The following TIAM1 variants were observed in gnomAD, a reference collection of about 807,000 sequenced individuals.
TIAM1 encodes TIAM Rac1 associated GEF 1.
In TIAM1, 65 loss-of-function variants were observed where a neutral mutation model predicts 163.5. The ratio of observed to expected loss-of-function variants is 0.40; its 90% CI spans 0.33 to 0.49. TIAM1 has a LOEUF of 0.49. Among genes scored for constraint, TIAM1 ranks in the 20% least tolerant of loss-of-function variants. The pLI is 0.77. For synonymous variants in TIAM1, 833 were observed against 810.1 expected, an observed-to-expected ratio of 1.03 and a Z score of -0.48; for missense variants, 1,789 against 2,044.7, an observed-to-expected ratio of 0.87 and a Z score of 2.41.
intron 2 of TIAM1, among the ~76,000 whole-genome samples, chr21:31,302,702 T>C (rs750215504): frequency 6.6e-6 from 1 of 152,244 alleles, no homozygotes; most frequent in Non-Finnish European, 1.5e-5. Flanking sequence ...GAGACTACAC[T>C]GCTTGCACTG....
chr21:31,143,542 T>A (rs1280397546), intron 20 of TIAM1, among the ~76,000 whole-genome samples: 1 of 151,684 alleles, frequency 6.6e-6, no homozygotes, highest in African/African-American at 2.4e-5. Flanking sequence ...ATATTTTTTA[T>A]TAGAAAGCTT....
At position 31,375,098 on chromosome 21, in the gene TIAM1, A is replaced by G. The variant is rs865947098; in HGVS notation, c.-368-35676T>C. ...GTATGTTTTTTACACACAGCAGAGAAATATACCCACTTTTGAACTCTTAAT... is the reference window on the plus strand; with the variant it reads ...GTATGTTTTTTACACACAGCAGAGAGATATACCCACTTTTGAACTCTTAAT... On this transcript the variant is annotated intron_variant, in intron 2 of 28. Transcript: ENST00000286827. Among the ~76,000 whole-genome samples the G allele has an allele frequency of 3.3e-5, 5 of 152,354 alleles. No homozygotes were observed. In the Middle Eastern group the frequency reaches 0.01, roughly 311 times the overall value.
At chr21:31,524,995 G>T (rs2047729550) in intron 1 of TIAM1, among the ~76,000 whole-genome samples, 1 of 152,068 alleles carries the variant, frequency 6.6e-6, no homozygotes, top group Admixed American at 6.6e-5. Flanking sequence ...GGAGGCCTCA[G>T]GAAGCTTCCA....
In TIAM1 at chr21:31,342,307, T is replaced by A. The variant is rs2076043537; in HGVS notation, c.-369+1831A>T. On this transcript the variant is annotated intron_variant, in intron 1 of 27. Coordinates refer to ENST00000541036, the MANE Select transcript of TIAM1 (RefSeq NM_001353694.2). ...AAAGAAGAAATAAGTGAATAAAATT[T>A]AAAAATATAACCAACCAGAGACAAA... is the stretch of plus-strand genomic sequence containing the variant. Among the ~76,000 whole-genome samples, 3 of 151,840 alleles carry A rather than the reference T, an allele frequency of 2.0e-5. No homozygotes were observed. The South Asian group carries it at 6.2e-4, about 32-fold the overall frequency.
chr21:31,530,237 G>A (rs1038844455), intron 1 of TIAM1, among the ~76,000 whole-genome samples: 12 of 152,140 alleles, frequency 7.9e-5, no homozygotes, highest in Non-Finnish European at 1.8e-4. Context: ...AGCTATCATC[G>A]ATCTACCTGA....
At chr21:31,423,310 G>C (rs1037879655) in intron 2 of TIAM1, among the ~76,000 whole-genome samples, 21 of 151,946 alleles carry the variant, frequency 1.4e-4, no homozygotes, top group Admixed American at 2.6e-4. Context: ...ATGTTAGCCA[G>C]GATAGTCTCG....
At chr21:31,263,112 C>G (rs555538112) in intron 4 of TIAM1, among the ~76,000 whole-genome samples, 1 of 152,228 alleles carries the variant, frequency 6.6e-6, no homozygotes, top group South Asian at 2.1e-4. Flanking sequence ...GTGCATAATT[C>G]CGGGGTTTGT....
intron 16 of TIAM1, among the ~76,000 whole-genome samples, chr21:31,157,280 G>A (rs2083667913): frequency 6.6e-6 from 1 of 152,222 alleles, no homozygotes; most frequent in African/African-American, 2.4e-5. Context: ...ACTGGTGAGT[G>A]ACGGTGGTCA....
At chr21:31,448,201 C>T (rs567834763) in intron 2 of TIAM1, among the ~76,000 whole-genome samples, 2 of 152,274 alleles carry the variant, frequency 1.3e-5, no homozygotes, top group African/African-American at 4.8e-5. Context: ...CAAAATTAAC[C>T]ATCACAGCAG....
chr21:31,382,966 G>A (rs1480274666), intron 2 of TIAM1, among the ~76,000 whole-genome samples: 5 of 152,292 alleles, frequency 3.3e-5, no homozygotes, highest in African/African-American at 7.2e-5. Flanking sequence ...TAGGCCAGGC[G>A]TGGTGGCTCA....
chr21:31,327,491 T>A (rs1351080136), intron 2 of TIAM1, among the ~76,000 whole-genome samples: 1 of 150,802 alleles, frequency 6.6e-6, no homozygotes, highest in Admixed American at 6.6e-5. Flanking sequence ...ATAGAAAAAA[T>A]TAGCCTGGTG....
At chr21:31,256,771 G>C (rs2072134708) in intron 4 of TIAM1, among the ~76,000 whole-genome samples, 1 of 152,120 alleles carries the variant, frequency 6.6e-6, no homozygotes, top group East Asian at 1.9e-4. Flanking sequence ...GTATAATGGG[G>C]AGAGCAACAC....
intron 2 of TIAM1, among the ~76,000 whole-genome samples, chr21:31,295,418 C>T (rs1231688087): frequency 5.2e-5 from 7 of 134,938 alleles, no homozygotes; most frequent in Admixed American, 2.6e-4. Context: ...TGCAGTGCGC[C>T]GAGATCACGC....
Position 31,320,636 on chromosome 21 carries a change from C to G in TIAM1, c.-189+18607G>C, listed in dbSNP as rs529193490. On this transcript the variant is annotated intron_variant, in intron 2 of 27. Transcript: ENST00000541036. Reference sequence around the variant, plus strand: ...TAGGTCAACCCCAGCTGCACACTGACCAGTGAGCAATGGTAGGTGACTCCC... The same window carrying G: ...TAGGTCAACCCCAGCTGCACACTGAGCAGTGAGCAATGGTAGGTGACTCCC... 5.9e-5 allele frequency among the ~76,000 whole-genome samples: 9 copies of G among 152,248 alleles called. No individual in the cohort carries two copies. In the East Asian group the frequency reaches 1.7e-3, roughly 29 times the overall value.
chr21:31,334,982 G>C (rs868779474), intron 2 of TIAM1, among the ~76,000 whole-genome samples: 2 of 152,044 alleles, frequency 1.3e-5, no homozygotes, highest in Non-Finnish European at 2.9e-5. Flanking sequence ...AGGAGTTCCC[G>C]GAGTGGCCAT....
chr21:31,377,095 T>A (rs558064112), intron 2 of TIAM1, among the ~76,000 whole-genome samples: 75 of 146,550 alleles, frequency 5.1e-4, no homozygotes, highest in African/African-American at 1.8e-3. Context: ...GGCAAGCTGG[T>A]CTTGAACTCC....
At chr21:31,303,424 G>A (rs1338832342) in intron 2 of TIAM1, among the ~76,000 whole-genome samples, 2 of 152,254 alleles carry the variant, frequency 1.3e-5, no homozygotes, top group African/African-American at 2.4e-5. Flanking sequence ...AGGCCAACAG[G>A]ATGCGGGAAG....
At chr21:31,240,590 G>A (rs950848653) in intron 6 of TIAM1, among the ~76,000 whole-genome samples, 4 of 152,186 alleles carry the variant, frequency 2.6e-5, no homozygotes, top group Middle Eastern at 3.4e-3. Flanking sequence ...ATCACTAAGC[G>A]ACCTGTCTAG....
At chr21:31,229,092 C>T (rs949112658) in intron 6 of TIAM1, among the ~76,000 whole-genome samples, 1 of 152,108 alleles carries the variant, frequency 6.6e-6, no homozygotes, top group Non-Finnish European at 1.5e-5. Flanking sequence ...CACAGCCAAA[C>T]CATATCAAGT....
Sources: gnomAD v4.1 joint callset for allele counts (sites outside exome capture counted in the v4.1 genomes callset) on GRCh38, gnomAD v4.1.1 for gene constraint, MANE v1.5 for transcripts, NCBI Gene and HGNC (gene_info 2026-07-23, HGNC 2026-07-21) for gene names.